Variants in ODAD2 observed in about 807,000 individuals in gnomAD.
ODAD2 encodes the protein outer dynein arm docking complex subunit 2, also known as outer dynein arm-docking complex subunit 2.
ODAD2 carries 89 observed loss-of-function variants against 106.8 expected under a neutral mutation model. That is an observed-to-expected ratio of 0.83 (90% CI 0.70 to 0.99). The LOEUF (loss-of-function observed/expected upper bound fraction) is 0.99. Among genes scored for constraint, ODAD2 ranks in the 50% least tolerant of loss-of-function variants. The probability of loss-of-function intolerance (pLI) is 0.00; values close to 1 mark genes in which losing one functional copy is unlikely to be tolerated. For missense variants in ODAD2, 1,168 were observed against 1,238.5 expected (o/e 0.94, Z 0.85); for synonymous variants, 404 against 436.2 (o/e 0.93, Z 0.92).
At chr10:27,971,007 T>TAAATAAAC (rs1391038859) in intron 8 of ODAD2, 101 bp downstream of exon 8, 85 of 404,456 alleles carry the variant, frequency 2.1e-4, no homozygotes, top group Non-Finnish European at 2.2e-4. Flanking sequence ...AATAAATAAA[T>TAAATAAAC]AAACAAACAA....
At chr10:27,988,393 A>C (rs978406962) in intron 2 of ODAD2, among the ~76,000 whole-genome samples, 13 of 145,096 alleles carry the variant, frequency 9.0e-5, no homozygotes, top group Non-Finnish European at 6.0e-5. Context: ...ATTGGAGTGC[A>C]GTGGCGTGAT....
At chr10:27,930,671 A>G (rs1260807842) in intron 16 of ODAD2, among the ~76,000 whole-genome samples, 1 of 151,932 alleles carries the variant, frequency 6.6e-6, no homozygotes, top group African/African-American at 2.4e-5. Context: ...AAAACTTTAT[A>G]TAATTTTTTG....
rs150794687 is a variant in ODAD2, at chr10:27,854,702, G to A, written c.3021+5923C>T. 8.9e-3 allele frequency among the ~76,000 whole-genome samples: 1,355 copies of A among 152,268 alleles called. 8 individuals are homozygous for A. Among genetic ancestry groups the A allele is most frequent in the Admixed American group, 0.014 (215 of 15,296 alleles). On this transcript the variant is annotated intron_variant, in intron 19 of 19. Coordinates refer to ENST00000305242, the MANE Select transcript of ODAD2 (RefSeq NM_018076.5). Reference sequence around the variant, plus strand: ...GCCAAGGAGGTAGAGGTTGCAGTGAGCCCAGATCGCGCCACTGAACTCCAC... The same window carrying A: ...GCCAAGGAGGTAGAGGTTGCAGTGAACCCAGATCGCGCCACTGAACTCCAC...
chr10:27,944,420 T>C lies in ODAD2; in HGVS notation c.1545A>G (p.Leu515=). The C allele has an allele frequency of 6.2e-7, 1 of 1,613,556 alleles. No homozygotes were observed. The highest frequency in any genetic ancestry group is 8.5e-7 in the Non-Finnish European group (1 of 1,179,506). Residue 515 remains leucine, a synonymous_variant, in exon 12 of 20, where the codon TTA becomes TTG. Coordinates refer to ENST00000305242, the MANE Select transcript of ODAD2 (RefSeq NM_018076.5). The part of the protein sequence containing the change: ...TDEVKCKIGS[L]KILKEISHNP... ...TATGACTGATTTCCTTCAGTATTTT[T>C]AATGAACCAATCTGTGTGAGAAAAA...
At chr10:27,959,228 GGAGGC>G (rs1376251578) in intron 10 of ODAD2, among the ~76,000 whole-genome samples, 16 of 73,992 alleles carry the variant, frequency 2.2e-4, no homozygotes, top group Middle Eastern at 6.3e-3. Context: ...GGAGGGGAGG[GGAGGC>G]GAGGAGGGGA....
chr10:27,963,458 A>T (rs1192924152), intron 9 of ODAD2, among the ~76,000 whole-genome samples: 1 of 152,214 alleles, frequency 6.6e-6, no homozygotes, highest in Non-Finnish European at 1.5e-5. Flanking sequence ...ATTACTTAAA[A>T]TATGACTTTT....
At chr10:27,986,416 A>G (rs190534533) in intron 3 of ODAD2, among the ~76,000 whole-genome samples, 1 of 152,322 alleles carries the variant, frequency 6.6e-6, no homozygotes, top group East Asian at 1.9e-4. Context: ...AGAAATCTAC[A>G]TATTATGTCT....
At chr10:27,965,408 G>A (rs1848427406) in intron 9 of ODAD2, among the ~76,000 whole-genome samples, 1 of 152,110 alleles carries the variant, frequency 6.6e-6, no homozygotes, top group African/African-American at 2.4e-5. Flanking sequence ...TGGTGCATAG[G>A]GTGAGGATAT....
At chr10:27,906,787 CTCAT>C (rs1843622351) in intron 17 of ODAD2, among the ~76,000 whole-genome samples, 1 of 152,144 alleles carries the variant, frequency 6.6e-6, no homozygotes, top group South Asian at 2.1e-4. Context: ...ACCGCATGTT[CTCAT>C]TCATAAGCGG....
chr10:27,987,326 C>A lies in ODAD2; in HGVS notation c.382+60G>T, dbSNP rs573461898. 35 of 1,512,462 alleles carry A rather than the reference C, an allele frequency of 2.3e-5. 1 individual carries two copies. In the South Asian group the frequency reaches 4.0e-4, roughly 17 times the overall value. The allele number at this position is 1,512,462 out of a possible 1,614,324, so 93.7% of individuals were successfully genotyped here. A position where few individuals can be genotyped will look rare whatever the true frequency, so the allele number is the denominator to read the frequency against. ...ACAAATGATCCTCCCACCCTTTCCCCACTTTCCCAGCAAGATTGTTTCTAA... is the reference window on the plus strand; with the variant it reads ...ACAAATGATCCTCCCACCCTTTCCCAACTTTCCCAGCAAGATTGTTTCTAA... On this transcript the variant is annotated intron_variant, in intron 3 of 19. Transcript: ENST00000305242.
chr10:27,830,544 A>C (rs1163565209), intron 19 of ODAD2, among the ~76,000 whole-genome samples: 1 of 152,192 alleles, frequency 6.6e-6, no homozygotes, highest in African/African-American at 2.4e-5. Context: ...TAACTTATGA[A>C]ATTTCAAATT....
intron 16 of ODAD2, among the ~76,000 whole-genome samples, chr10:27,923,408 A>G (rs1028372562): frequency 6.6e-6 from 1 of 152,222 alleles, no homozygotes; most frequent in African/African-American, 2.4e-5. Context: ...GACAAAGAAC[A>G]GCACTTGAAA....
rs1008817012 is a variant in ODAD2 at position 27,961,418 on chromosome 10, C to A, written c.1386+150G>T. 8 of 731,822 alleles carry A rather than the reference C, an allele frequency of 1.1e-5. No individual in the cohort carries two copies. The African/African-American group carries it at 1.3e-4, about 12-fold the overall frequency. The allele number at this position is 731,822 out of a possible 1,614,324, so 45.3% of individuals were successfully genotyped here. A position where few individuals can be genotyped will look rare whatever the true frequency, so the allele number is the denominator to read the frequency against. On this transcript the variant is annotated intron_variant, in intron 10 of 19. Coordinates refer to ENST00000305242, the MANE Select transcript of ODAD2 (RefSeq NM_018076.5). ...ATCTTGCATCCTCAGGGTAATAAGA[C>A]CTTGCCCTGCACAAACTTAGATAAA...
intron 2 of ODAD2, among the ~76,000 whole-genome samples, chr10:27,992,628 G>A (rs1262702039): frequency 6.6e-6 from 1 of 152,186 alleles, no homozygotes; most frequent in Non-Finnish European, 1.5e-5. Flanking sequence ...AGTTTGAGCT[G>A]CAGTGAGCTA....
At chr10:27,910,671 G>C (rs578031987) in intron 16 of ODAD2, among the ~76,000 whole-genome samples, 9 of 152,118 alleles carry the variant, frequency 5.9e-5, no homozygotes, top group African/African-American at 2.2e-4. Flanking sequence ...GTAGGAGGAT[G>C]ACTTGAGCCC....
chr10:27,998,022 T>C (rs2133253748), intron 1 of ODAD2, among the ~76,000 whole-genome samples: 1 of 152,334 alleles, frequency 6.6e-6, no homozygotes, highest in South Asian at 2.1e-4. Context: ...ACAGATTGTT[T>C]TTCTTTCTAA....
In ODAD2 at chr10:27,931,067, A is replaced by G. The variant is rs182350663; in HGVS notation, c.2495+3943T>C. Among the ~76,000 whole-genome samples, 7 of 152,270 alleles carry G rather than the reference A, an allele frequency of 4.6e-5. No individual in the cohort carries two copies. In the South Asian group the frequency reaches 8.3e-4, roughly 18 times the overall value. On this transcript the variant is annotated intron_variant, in intron 16 of 19. Coordinates refer to ENST00000305242, the MANE Select transcript of ODAD2 (RefSeq NM_018076.5). ...ATGCAAAACTGGGTCTCTGATGGCA[A>G]AGTCTTCACTTCTTCCAAGACCCAT...
At chr10:27,999,629 C>A (rs1588685806), upstream of ODAD2, among the ~76,000 whole-genome samples, 1 of 151,348 alleles carries the variant, frequency 6.6e-6, no homozygotes, top group South Asian at 2.1e-4. Flanking sequence ...CAGCAAGAGC[C>A]CCAACTGGAA....
intron 7 of ODAD2, among the ~76,000 whole-genome samples, chr10:27,978,964 C>G (rs534303971): frequency 1.2e-4 from 18 of 152,092 alleles, no homozygotes; most frequent in African/African-American, 3.6e-4. Flanking sequence ...AATCCCAGCA[C>G]TTTGGGAGGC....
Sources: gnomAD v4.1 joint callset for allele counts (sites outside exome capture counted in the v4.1 genomes callset) on GRCh38, gnomAD v4.1.1 for gene constraint, MANE v1.5 for transcripts, NCBI Gene and HGNC (gene_info 2026-07-23, HGNC 2026-07-21) for gene names.